PROZ: variants seen among roughly 807,000 people sequenced by gnomAD.
PROZ encodes the protein vitamin K-dependent protein Z.
PROZ carries 46 observed loss-of-function variants against 34.9 expected under a neutral mutation model. That is an observed-to-expected ratio of 1.32 (90% CI 1.04 to 1.69). The LOEUF (loss-of-function observed/expected upper bound fraction) is 1.69. PROZ is among the 40% of genes most tolerant of loss of function. The pLI is 0.00. For synonymous variants in PROZ, 195 were observed against 208.5 expected, an observed-to-expected ratio of 0.94 and a Z score of 0.56; for missense variants, 530 against 520.4, an observed-to-expected ratio of 1.02 and a Z score of -0.18.
intron 4 of PROZ, among the ~76,000 whole-genome samples, chr13:113,164,019 G>GC (rs2036836312): frequency 6.8e-6 from 1 of 147,638 alleles, no homozygotes; most frequent in Admixed American, 6.8e-5. Context: ...TCGCTCTGTC[G>GC]CCAGGCTGGA....
chr13:113,163,202 G>T, intron 4 of PROZ, 80 bp downstream of exon 4: 1 of 1,206,334 alleles, frequency 8.3e-7, no homozygotes, highest in South Asian at 1.3e-5. Flanking sequence ...GTCCCAATGG[G>T]CCCCTCCTGA....
In PROZ at chr13:113,165,122, T is replaced by C; in HGVS notation, c.573+2T>C. ...GATCTACAGGACCTCCCGTGGCAGG[T>C]AACAGAGCGCTCTCCGCGTGCTTCA... On this transcript the variant is annotated splice_donor_variant, in intron 6 of 7. Coordinates refer to ENST00000375547, the MANE Select transcript of PROZ (RefSeq NM_003891.3). LOFTEE classifies it high-confidence loss of function. The C allele has an allele frequency of 6.2e-7, 1 of 1,610,818 alleles. No homozygotes were observed. The highest frequency in any genetic ancestry group is 8.5e-7 in the Non-Finnish European group (1 of 1,179,706).
chr13:113,158,673 G>A lies in PROZ; in HGVS notation c.13G>A (p.Val5Ile), dbSNP rs200554473. The A allele has an allele frequency of 1.3e-4, 214 of 1,604,742 alleles. 1 individual carries two copies. In the South Asian group the frequency reaches 1.5e-3, roughly 12 times the overall value. The change falls in exon 1 of 8, where the codon GTC becomes ATC. Residue 5 changes from valine to isoleucine, a missense_variant. Val to Ile is a conservative substitution (Grantham distance 29, BLOSUM62 3). Coordinates refer to ENST00000375547, the MANE Select transcript of PROZ (RefSeq NM_003891.3). This position sits in a 1 kb window ranked among gnomAD's most constrained non-coding sequence, Gnocchi z 4.3. MAGCVPLLQGLVLVL... is the reference protein window; with the variant it reads MAGCIPLLQGLVLVL... ...GCTCCGGGTGGGAATGGCAGGCTGC[G>A]TCCCACTGCTCCAGGGCCTGGTCCT...
At chr13:113,167,756 A>G (rs1209450537) in intron 6 of PROZ, among the ~76,000 whole-genome samples, 1 of 152,186 alleles carries the variant, frequency 6.6e-6, no homozygotes, top group Non-Finnish European at 1.5e-5. Context: ...CTGCCTTTTA[A>G]TTGGGGTATT....
chr13:113,159,465 C>T lies in PROZ; in HGVS notation c.71-549C>T, dbSNP rs1026422968. Among the ~76,000 whole-genome samples the T allele has an allele frequency of 6.6e-5, 10 of 152,058 alleles. No individual in the cohort carries two copies. The highest frequency in any genetic ancestry group is 4.6e-4 in the Admixed American group (7 of 15,276). ...GGAAGGGCCTGGGCTTTGACCCTCC[C>T]GGAGAGGGAGAGAACATGCTTTGGG... On this transcript the variant is annotated intron_variant, in intron 1 of 7. Transcript: ENST00000375547. The surrounding 1 kb of genome is among the most constrained non-coding windows in gnomAD (Gnocchi z 4.6).
At chr13:113,167,284 A>G (rs3024745) in intron 6 of PROZ, among the ~76,000 whole-genome samples, 27,499 of 152,216 alleles carry the variant, frequency 0.18, 3,043 homozygotes, top group South Asian at 0.42. Flanking sequence ...AGGATTACAG[A>G]TAACGTTCTT....
chr13:113,160,864 T>C (rs1451759420), intron 2 of PROZ, 84 bp from the exon 3 acceptor site: 12 of 1,243,674 alleles, frequency 9.6e-6, no homozygotes, highest in African/African-American at 1.5e-5. Context: ...AATCAACATT[T>C]TCTTACCTTC....
In PROZ at chr13:113,159,198, G is replaced by A. The variant is rs2036718100; in HGVS notation, c.70+468G>A. ...CCTGCCTGCCACCCTTCTACCACCA[G>A]CCACTTCACTGAAGGAACGACATGG... On this transcript the variant is annotated intron_variant, in intron 1 of 7. Coordinates refer to ENST00000375547, the MANE Select transcript of PROZ (RefSeq NM_003891.3). This position sits in a 1 kb window ranked among gnomAD's most constrained non-coding sequence, Gnocchi z 4.6. 2.6e-6 allele frequency: 4 copies of A among 1,537,812 alleles called. No homozygotes were observed. Among genetic ancestry groups the A allele is most frequent in the Non-Finnish European group, 2.6e-6 (3 of 1,135,278 alleles).
rs3024787 is a variant in PROZ, at chr13:113,170,585, T to C, written c.691+55T>C. 869 of 1,072,748 alleles carry C rather than the reference T, an allele frequency of 8.1e-4. 3 individuals carry two copies. The highest frequency in any genetic ancestry group is 4.2e-3 in the Middle Eastern group (15 of 3,560). The allele number at this position is 1,072,748 out of a possible 1,614,324, so 66.5% of individuals were successfully genotyped here. On this transcript the variant is annotated intron_variant, in intron 7 of 7. Transcript: ENST00000375547. ...ACCACATTGGAAATACACTATCCTA[T>C]GTAAGAATGAAATGACAAATTTAAA...
At chr13:113,170,860 C>G (rs3818334) in intron 7 of PROZ, among the ~76,000 whole-genome samples, 26,006 of 151,612 alleles carry the variant, frequency 0.17, 2,931 homozygotes, top group South Asian at 0.43. Flanking sequence ...GGGCTCGAAT[C>G]CCCCAGCAGT....
At position 113,170,401 on chromosome 13, in the gene PROZ, T is replaced by C. The variant is rs2037077055; in HGVS notation, c.574-12T>C. On this transcript the variant is annotated splice_polypyrimidine_tract_variant and intron_variant, in intron 6 of 7. Transcript: ENST00000375547. ...GTCACCAGCTATTTATTGTCTGTTTTGATTTTTAAAGGTAAAGTTAACAAA... is the reference window on the plus strand; with the variant it reads ...GTCACCAGCTATTTATTGTCTGTTTCGATTTTTAAAGGTAAAGTTAACAAA... 2 of 1,489,790 alleles carry C rather than the reference T, an allele frequency of 1.3e-6. No homozygotes were observed. Among genetic ancestry groups the C allele is most frequent in the Non-Finnish European group, 1.9e-6 (2 of 1,066,860 alleles). The allele number at this position is 1,489,790 out of a possible 1,614,324, so 92.3% of individuals were successfully genotyped here. A position where few individuals can be genotyped will look rare whatever the true frequency, so the allele number is the denominator to read the frequency against.
At chr13:113,164,444 C>T in intron 4 of PROZ, 69 bp from the exon 5 acceptor site, 1 of 1,554,818 alleles carries the variant, frequency 6.4e-7, no homozygotes, top group Non-Finnish European at 8.8e-7. Context: ...ACACACAGAA[C>T]TGTGTGCAAG....
At position 113,171,658 on chromosome 13, in the gene PROZ, G is replaced by GT; in HGVS notation, c.757dup (p.Tyr253LeufsTer2). 1 of 1,614,110 alleles carries GT rather than the reference G, an allele frequency of 6.2e-7. No homozygotes were observed. ...TAACGCACGTCCATGTGCACATGCG[G>GT]TATGACGCGGACGCGGGGGAGAATG... On this transcript the variant is annotated frameshift_variant, in exon 8 of 8. Transcript: ENST00000375547. LOFTEE classifies it low-confidence loss of function (END_TRUNC). This position sits in a 1 kb window ranked among gnomAD's most constrained non-coding sequence, Gnocchi z 5.1.
rs200473651 is a variant in PROZ, at chr13:113,171,849, C to T, written c.947C>T (p.Thr316Met). ...NGTDLGNSLTTRPVTLVEGEE... is the reference protein window; with the variant it reads ...NGTDLGNSLTMRPVTLVEGEE... ...ACTGACCTGGGCAACTCGCTGACCA[C>T]GCGGCCTGTCACACTTGTGGAGGGG... Residue 316 changes from threonine (T) to methionine (M), a missense_variant, in exon 8 of 8, where the codon ACG becomes ATG. Transcript: ENST00000375547. This position sits in a 1 kb window ranked among gnomAD's most constrained non-coding sequence, Gnocchi z 5.1. The T allele has an allele frequency of 2.8e-4, 454 of 1,613,632 alleles. 1 individual carries two copies. The East Asian group carries it at 3.8e-3, about 14-fold the overall frequency.
Position 113,171,419 on chromosome 13 carries a change from T to C in PROZ, c.692-175T>C, listed in dbSNP as rs909538911. ...CACTTGGTTGCAATCGTGCAATCTG[T>C]GAGTGGCCTTTCTGTCCGCAGAAAG... On this transcript the variant is annotated intron_variant, in intron 7 of 7. Coordinates refer to ENST00000375547, the MANE Select transcript of PROZ (RefSeq NM_003891.3). The surrounding 1 kb of genome is among the most constrained non-coding windows in gnomAD (Gnocchi z 5.1). 6.6e-6 allele frequency among the ~76,000 whole-genome samples: 1 copy of C among 152,146 alleles called. No homozygotes were observed. The highest frequency in any genetic ancestry group is 2.4e-5 in the African/African-American group (1 of 41,422).
At chr13:113,160,230 G>A in intron 2 of PROZ, 53 bp downstream of exon 2, 2 of 1,586,152 alleles carry the variant, frequency 1.3e-6, no homozygotes, top group Non-Finnish European at 1.7e-6. Context: ...GACTTCTGCT[G>A]GCCCAGGGAG....
chr13:113,170,431 G>C lies in PROZ; in HGVS notation c.592G>C (p.Glu198Gln). The C allele has an allele frequency of 6.2e-7, 1 of 1,603,886 alleles. No homozygotes were observed. Among genetic ancestry groups the C allele is most frequent in the South Asian group, 1.1e-5 (1 of 90,846 alleles). The change falls in exon 7 of 8, where the codon GAA (glutamate) becomes CAA (glutamine). Residue 198 changes from glutamate to glutamine, a missense_variant. Coordinates refer to ENST00000375547, the MANE Select transcript of PROZ (RefSeq NM_003891.3). ...LPWQVKLTNS[E>Q]GKDFCGGVII... is the part of the protein sequence containing the mutation. ...TTTAAAGGTAAAGTTAACAAATTCC[G>C]AAGGAAAAGACTTCTGTGGTGGTGT...
At chr13:113,160,237 G>A in intron 2 of PROZ, 60 bp downstream of exon 2, 1 of 1,577,340 alleles carries the variant, frequency 6.3e-7, no homozygotes, top group Non-Finnish European at 8.7e-7. Context: ...GCTGGCCCAG[G>A]GAGCATCATT....
intron 3 of PROZ, among the ~76,000 whole-genome samples, chr13:113,161,376 G>C (rs927048797): frequency 2.6e-5 from 4 of 152,144 alleles, no homozygotes; most frequent in African/African-American, 9.7e-5. Context: ...CTTTGGTTAG[G>C]AGACTCCTCC....
Sources: gnomAD v4.1 joint callset for allele counts (sites outside exome capture counted in the v4.1 genomes callset) on GRCh38, gnomAD v4.1.1 for gene constraint, Gnocchi (gnomAD v3.1) non-coding constraint, MANE v1.5 for transcripts, NCBI Gene and HGNC (gene_info 2026-07-23, HGNC 2026-07-21) for gene names.